Variants in PHKB observed in about 807,000 individuals in gnomAD.
PHKB encodes phosphorylase b kinase regulatory subunit beta.
In PHKB, 122 loss-of-function variants were observed where a neutral mutation model predicts 152.1. The ratio of observed to expected loss-of-function variants is 0.80; its 90% confidence interval spans 0.69 to 0.93. The LOEUF is 0.93. Among genes scored for constraint, PHKB ranks in the 40% least tolerant of loss-of-function variants. The pLI is 0.00. For synonymous variants in PHKB, 436 were observed against 464.9 expected (o/e 0.94, Z 0.80); for missense variants, 1,304 against 1,328.4 (o/e 0.98, Z 0.29).
At chr16:47,566,903 TA>T in intron 7 of PHKB, 1 of 641,152 alleles carries the variant, frequency 1.6e-6, no homozygotes, top group Non-Finnish European at 2.9e-6. Context: ...TGAAGGTCAA[TA>T]ATGGGTCACA....
chr16:47,669,955 A>T lies in PHKB; in HGVS notation c.2630+538A>T, dbSNP rs541006927. Among the ~76,000 whole-genome samples the T allele has an allele frequency of 4.6e-5, 7 of 152,342 alleles. No individual in the cohort carries two copies. The South Asian group carries it at 1.0e-3, about 23-fold the overall frequency. On this transcript the variant is annotated intron_variant, in intron 26 of 30. Transcript: ENST00000323584. ...AGGATTTTATGAGGCAGCATGGTGT[A>T]GGAAAAATTAACCAGGCTCTGGAAT...
In PHKB at chr16:47,699,509, C is replaced by T; in HGVS notation, c.*143C>T. 1 of 898,390 alleles carries T rather than the reference C, an allele frequency of 1.1e-6. No individual in the cohort carries two copies. Among genetic ancestry groups the T allele is most frequent in the Non-Finnish European group, 1.9e-6 (1 of 532,712 alleles). The allele number at this position is 898,390 out of a possible 1,614,324, so 55.7% of individuals were successfully genotyped here. A position where few individuals can be genotyped will look rare whatever the true frequency, so the allele number is the denominator to read the frequency against. On this transcript the variant is annotated 3_prime_UTR_variant, in exon 31 of 31. Transcript: ENST00000323584. ...GCCACATCCTTGGCGGGGTTATGGA[C>T]CTCTTGCATGTCATAGCCAATCTAA... is the stretch of plus-strand genomic sequence containing the variant.
intron 1 of PHKB, among the ~76,000 whole-genome samples, chr16:47,479,120 G>A (rs181815430): frequency 3.3e-5 from 5 of 152,132 alleles, no homozygotes; most frequent in African/African-American, 9.6e-5. Flanking sequence ...ATTGACTGTC[G>A]GGGGAGTTAG....
chr16:47,591,033 T>G lies in PHKB; in HGVS notation c.1068+1931T>G, dbSNP rs1163560216. 4.6e-5 allele frequency among the ~76,000 whole-genome samples: 7 copies of G among 152,220 alleles called. No individual in the cohort carries two copies. In the East Asian group the frequency reaches 1.3e-3, roughly 29 times the overall value. ...TCTCTGTTCTAAGGCTAACCCATCC[T>G]GTGTATACCCCATCCTATTCTCTTT... On this transcript the variant is annotated intron_variant, in intron 10 of 30. Coordinates refer to ENST00000323584, the MANE Select transcript of PHKB (RefSeq NM_000293.3).
chr16:47,570,015 TG>T (rs1971632309), intron 7 of PHKB, among the ~76,000 whole-genome samples: 1 of 152,254 alleles, frequency 6.6e-6, no homozygotes, highest in Admixed American at 6.5e-5. Flanking sequence ...TGCTTTTCTT[TG>T]AAAGTCTTTA....
chr16:47,548,924 C>T (rs1971222912), intron 7 of PHKB, among the ~76,000 whole-genome samples: 1 of 152,068 alleles, frequency 6.6e-6, no homozygotes, highest in Non-Finnish European at 1.5e-5. Flanking sequence ...TGCTAGTGTA[C>T]TTACACATTT....
intron 13 of PHKB, among the ~76,000 whole-genome samples, chr16:47,602,405 G>A (rs561522982): frequency 2.6e-5 from 4 of 152,218 alleles, no homozygotes; most frequent in African/African-American, 9.6e-5. Context: ...TTGTTTGGAA[G>A]CCAATTTATT....
chr16:47,497,167 G>GT (rs1475489424), intron 1 of PHKB, among the ~76,000 whole-genome samples: 1 of 152,146 alleles, frequency 6.6e-6, no homozygotes, highest in Non-Finnish European at 1.5e-5. Flanking sequence ...AGTGCTGGAG[G>GT]TAAGGGTGGG....
In PHKB at chr16:47,628,825, A is replaced by G. The variant is rs535304213; in HGVS notation, c.1459-12210A>G. On this transcript the variant is annotated intron_variant, in intron 14 of 30. Transcript: ENST00000323584. ...GCATGGTACTGGTACCAAAACAGAG[A>G]TATAGATCAATGGAACAGAACAGAG... 9.2e-5 allele frequency among the ~76,000 whole-genome samples: 14 copies of G among 152,254 alleles called. No homozygotes were observed. The South Asian group carries it at 2.9e-3, about 32-fold the overall frequency.
intron 6 of PHKB, among the ~76,000 whole-genome samples, chr16:47,539,380 T>C (rs1158320788): frequency 6.6e-6 from 1 of 152,088 alleles, no homozygotes. Context: ...TTTTAATATC[T>C]AAAGTTTTAG....
intron 6 of PHKB, among the ~76,000 whole-genome samples, chr16:47,526,882 A>G (rs547777768): frequency 8.7e-4 from 133 of 152,310 alleles, no homozygotes; most frequent in African/African-American, 3.1e-3. Context: ...TGCAGGCTCT[A>G]TAAGCATAGC....
At position 47,693,489 on chromosome 16, in the gene PHKB, T is replaced by C. The variant is rs1200884378; in HGVS notation, c.2877T>C (p.Ala959=). Residue 959 remains alanine (A), a synonymous_variant, in exon 28 of 31, where the codon GCT becomes GCC. Coordinates refer to ENST00000323584, the MANE Select transcript of PHKB (RefSeq NM_000293.3). ...LERTPNGIIV[A]GKHLPQQPTL... Reference sequence around the variant, plus strand: ...GCACGCCCAATGGGATCATTGTTGCTGGGAAGCATTTGCCTCAGGTAAAGC... The same window carrying C: ...GCACGCCCAATGGGATCATTGTTGCCGGGAAGCATTTGCCTCAGGTAAAGC... 1 of 1,614,088 alleles carries C rather than the reference T, an allele frequency of 6.2e-7. No homozygotes were observed. Among genetic ancestry groups the C allele is most frequent in the South Asian group, 1.1e-5 (1 of 91,078 alleles).
rs1969768857 is a variant in PHKB, at chr16:47,471,595, G to A, written c.76+10169G>A. Among the ~76,000 whole-genome samples, 3 of 152,180 alleles carry A rather than the reference G, an allele frequency of 2.0e-5. No individual in the cohort carries two copies. In the South Asian group the frequency reaches 6.2e-4, roughly 31 times the overall value. Reference sequence around the variant, plus strand: ...GAATGGCTGTGAAGGCACAGATATTGAGTATATCATCATTCTGGATTCAGA... The same window carrying A: ...GAATGGCTGTGAAGGCACAGATATTAAGTATATCATCATTCTGGATTCAGA... On this transcript the variant is annotated intron_variant, in intron 1 of 30. Coordinates refer to ENST00000323584, the MANE Select transcript of PHKB (RefSeq NM_000293.3).
intron 12 of PHKB, among the ~76,000 whole-genome samples, chr16:47,594,517 T>C (rs543961755): frequency 6.6e-6 from 1 of 152,256 alleles, no homozygotes; most frequent in Non-Finnish European, 1.5e-5. Context: ...TCACCAAAAA[T>C]GCTATAGTCA....
chr16:47,690,303 T>C (rs1331908896), intron 27 of PHKB, among the ~76,000 whole-genome samples: 3 of 152,080 alleles, frequency 2.0e-5, no homozygotes, highest in Non-Finnish European at 4.4e-5. Context: ...AATGAAATAA[T>C]AGAAAACAAG....
intron 26 of PHKB, among the ~76,000 whole-genome samples, chr16:47,677,673 C>T (rs987677358): frequency 6.6e-6 from 1 of 152,114 alleles, no homozygotes. Flanking sequence ...CTCCAGATAC[C>T]ATCACACTGG....
intron 14 of PHKB, among the ~76,000 whole-genome samples, chr16:47,638,762 G>A (rs1040956470): frequency 6.6e-6 from 1 of 152,178 alleles, no homozygotes; most frequent in Non-Finnish European, 1.5e-5. Flanking sequence ...GTGGATTAGT[G>A]TCCACTTGAT....
intron 1 of PHKB, among the ~76,000 whole-genome samples, chr16:47,474,427 G>C (rs1969833500): frequency 6.6e-6 from 1 of 152,196 alleles, no homozygotes; most frequent in Non-Finnish European, 1.5e-5. Flanking sequence ...GGATTGGGCT[G>C]TTGAGCTGTG....
intron 26 of PHKB, among the ~76,000 whole-genome samples, chr16:47,672,275 A>G (rs1243249130): frequency 1.3e-5 from 2 of 152,154 alleles, no homozygotes; most frequent in Non-Finnish European, 2.9e-5. Flanking sequence ...ATTTTGAATC[A>G]GTTATAAGAA....
Sources: gnomAD v4.1 joint callset for allele counts (sites outside exome capture counted in the v4.1 genomes callset) on GRCh38, gnomAD v4.1.1 for gene constraint, MANE v1.5 for transcripts, NCBI Gene and HGNC (gene_info 2026-07-23, HGNC 2026-07-21) for gene names.